The following XIRP2 variants were observed in gnomAD, a reference collection of about 807,000 sequenced individuals.
XIRP2 encodes the protein xin actin-binding repeat-containing protein 2.
In XIRP2, 236 loss-of-function variants were observed where a neutral mutation model predicts 277.0. The observed-to-expected ratio is 0.85, with a 90% confidence interval of 0.77 to 0.95. The LOEUF (loss-of-function observed/expected upper bound fraction) is 0.95, where lower values mean the gene tolerates loss of function less well. XIRP2 is among the 40% of genes least tolerant of loss of function. The pLI is 0.00. For synonymous variants in XIRP2, 1,490 were observed against 1,416.5 expected, an observed-to-expected ratio of 1.05 and a Z score of -1.17; for missense variants, 4,640 against 4,157.5, an observed-to-expected ratio of 1.12 and a Z score of -3.19.
At chr2:166,963,685 C>T (rs1211593906) in intron 2 of XIRP2, among the ~76,000 whole-genome samples, 1 of 151,726 alleles carries the variant, frequency 6.6e-6, no homozygotes, top group Non-Finnish European at 1.5e-5. Flanking sequence ...GATTCAGGAA[C>T]CTCTCAGAAA....
chr2:167,089,649 G>A (rs1690083149), intron 2 of XIRP2, among the ~76,000 whole-genome samples: 2 of 152,074 alleles, frequency 1.3e-5, no homozygotes, highest in Admixed American at 1.3e-4. Context: ...AAGTAAATGT[G>A]CATGTGTGTT....
intron 2 of XIRP2, among the ~76,000 whole-genome samples, chr2:167,074,077 G>GA (rs943040195): frequency 6.6e-6 from 1 of 152,108 alleles, no homozygotes; most frequent in African/African-American, 2.4e-5. Context: ...TAGTATGGGA[G>GA]AAAAAACTTT....
At position 167,250,635 on chromosome 2, in the gene XIRP2, G is replaced by A. The variant is rs775055029; in HGVS notation, c.9243G>A (p.Gln3081=). 37 of 1,613,288 alleles carry A rather than the reference G, an allele frequency of 2.3e-5. 1 individual carries two copies. In the Middle Eastern group the frequency reaches 4.9e-4, roughly 22 times the overall value. ...ENKIAKEKTV[Q]HQVAAHHEAT... ...AAATTGCCAAAGAGAAAACAGTACA[G>A]CACCAAGTAGCAGCTCATCATGAAG... Residue 3081 remains glutamine, a synonymous_variant, in exon 9 of 11, where the codon CAG becomes CAA. Transcript: ENST00000409195.
At chr2:167,008,820 A>G (rs1245373067) in intron 2 of XIRP2, among the ~76,000 whole-genome samples, 3 of 151,512 alleles carry the variant, frequency 2.0e-5, no homozygotes, top group Non-Finnish European at 4.4e-5. Context: ...GAAATTAAAA[A>G]TTTTATATTT....
chr2:167,181,497 T>G (rs943899857), intron 3 of XIRP2, among the ~76,000 whole-genome samples: 5 of 152,204 alleles, frequency 3.3e-5, no homozygotes, highest in African/African-American at 1.2e-4. Context: ...ACTGTCTCTC[T>G]CTCATTATTA....
chr2:167,135,408 G>A (rs377472073), intron 2 of XIRP2, among the ~76,000 whole-genome samples: 17 of 151,808 alleles, frequency 1.1e-4, no homozygotes, highest in African/African-American at 1.9e-4. Context: ...TTTATGAATC[G>A]AAAAACTGTA....
chr2:167,153,443 A>G (rs1156365465), intron 3 of XIRP2, among the ~76,000 whole-genome samples: 1 of 151,948 alleles, frequency 6.6e-6, no homozygotes, highest in African/African-American at 2.4e-5. Flanking sequence ...GTTTTAGGGT[A>G]CATGTGCACA....
rs377142261 is a variant in XIRP2, at chr2:167,245,265, T to C, written c.3873T>C (p.Ser1291=). Residue 1291 remains serine, a synonymous_variant, in exon 9 of 11, where the codon TCT becomes TCC. Coordinates refer to ENST00000409195, the MANE Select transcript of XIRP2 (RefSeq NM_152381.6). ...TFSLDEIKEE[S]DYISTKKTIT... ...CTTTAGATGAGATTAAAGAAGAATC[T>C]GACTATATCAGCACCAAGAAAACAA... 34 of 1,613,430 alleles carry C rather than the reference T, an allele frequency of 2.1e-5. No homozygotes were observed. In the Middle Eastern group the frequency reaches 1.3e-3, roughly 62 times the overall value.
chr2:167,252,685 A>G (rs77423248), intron 9 of XIRP2, among the ~76,000 whole-genome samples: 5,248 of 152,078 alleles, frequency 0.035, 125 homozygotes, highest in Non-Finnish European at 0.055. Flanking sequence ...TTAACATCAA[A>G]GAACAGCTCA....
chr2:167,148,983 C>T (rs1691939276), intron 3 of XIRP2, among the ~76,000 whole-genome samples: 1 of 151,664 alleles, frequency 6.6e-6, no homozygotes, highest in African/African-American at 2.4e-5. Flanking sequence ...GATACTAGGC[C>T]CTGGGCTCAT....
intron 3 of XIRP2, among the ~76,000 whole-genome samples, chr2:167,139,932 G>A (rs1001489651): frequency 3.9e-5 from 6 of 152,066 alleles, no homozygotes; most frequent in African/African-American, 1.2e-4. Context: ...GCTGACATTC[G>A]TCCAATGAGC....
chr2:167,149,949 T>C (rs1691964531), intron 3 of XIRP2, among the ~76,000 whole-genome samples: 1 of 151,824 alleles, frequency 6.6e-6, no homozygotes, highest in African/African-American at 2.4e-5. Context: ...AGGCAAAGTA[T>C]ACAAACAACA....
intron 2 of XIRP2, among the ~76,000 whole-genome samples, chr2:166,938,158 G>A (rs571623255): frequency 5.5e-4 from 84 of 152,148 alleles, no homozygotes; most frequent in African/African-American, 2.0e-3. Flanking sequence ...GTTTGCTCTT[G>A]CTTTTCTAGT....
intron 2 of XIRP2, among the ~76,000 whole-genome samples, chr2:167,027,342 C>G (rs900524733): frequency 3.3e-5 from 5 of 152,116 alleles, no homozygotes; most frequent in African/African-American, 7.2e-5. Context: ...CAAGCCTTGG[C>G]TTTCAGCTCC....
At chr2:167,102,570 A>G (rs559466146) in intron 2 of XIRP2, among the ~76,000 whole-genome samples, 30 of 152,350 alleles carry the variant, frequency 2.0e-4, no homozygotes, top group South Asian at 8.3e-4. Context: ...ATATAGTGCT[A>G]TGAAGTCTCA....
intron 3 of XIRP2, among the ~76,000 whole-genome samples, chr2:167,168,771 C>T (rs762187757): frequency 1.2e-4 from 19 of 152,046 alleles, no homozygotes; most frequent in Non-Finnish European, 2.4e-4. Flanking sequence ...CCCACCACCA[C>T]GCCCGGCTAA....
At chr2:167,227,539 A>G (rs914001987) in intron 5 of XIRP2, among the ~76,000 whole-genome samples, 2 of 151,976 alleles carry the variant, frequency 1.3e-5, no homozygotes, top group Admixed American at 1.3e-4. Flanking sequence ...CATCTCTACA[A>G]AAGAAAAAAT....
At chr2:167,213,473 T>C (rs1694117497) in intron 4 of XIRP2, among the ~76,000 whole-genome samples, 1 of 152,208 alleles carries the variant, frequency 6.6e-6, no homozygotes, top group African/African-American at 2.4e-5. Flanking sequence ...GACTGTGTAA[T>C]ATATTTACCT....
rs1438192652 is a variant in XIRP2 at position 167,201,316 on chromosome 2, AGAAC to A, written c.563-9415_563-9412del. 2.0e-3 allele frequency among the ~76,000 whole-genome samples: 278 copies of A among 138,202 alleles called. 1 individual carries two copies. The highest frequency in any genetic ancestry group is 8.0e-3 in the African/African-American group (271 of 34,012). The allele number at this position is 138,202 out of a possible 152,430, so 90.7% of individuals were successfully genotyped here. A position where few individuals can be genotyped will look rare whatever the true frequency, so the allele number is the denominator to read the frequency against. The stretch of plus-strand genomic sequence containing the variant: ...GGGAGGGAGGGAAGGAAGGAAGGAA[AGAAC>A]GAAGGAAGGAAGGAAGGAAGGAAAG... On this transcript the variant is annotated intron_variant, in intron 3 of 10. Transcript: ENST00000409195.
Sources: allele counts gnomAD v4.1 joint callset (sites outside exome capture counted in the v4.1 genomes callset), GRCh38; gene constraint gnomAD v4.1.1; transcripts MANE v1.5; gene names NCBI Gene and HGNC (gene_info 2026-07-23, HGNC 2026-07-21).